The following STAG3 variants were observed in gnomAD, a reference collection of about 807,000 sequenced individuals.
The protein encoded by STAG3 is cohesin subunit SA-3.
STAG3 carries 101 observed loss-of-function variants against 160.7 expected under a neutral mutation model. That is an observed-to-expected ratio of 0.63 (90% CI 0.54 to 0.74). STAG3 has a LOEUF of 0.74. STAG3 is among the 30% of genes least tolerant of loss of function. The pLI, the probability that STAG3 is intolerant of heterozygous loss-of-function variation, is 0.00. For missense variants in STAG3, 1,188 were observed against 1,517.4 expected, an observed-to-expected ratio of 0.78 and a Z score of 3.61; for synonymous variants, 519 against 585.0, an observed-to-expected ratio of 0.89 and a Z score of 1.63.
chr7:100,206,294 G>T (rs1801649010), intron 29 of STAG3, among the ~76,000 whole-genome samples: 1 of 151,380 alleles, frequency 6.6e-6, no homozygotes, highest in Non-Finnish European at 1.5e-5. Flanking sequence ...GGGATTACAG[G>T]TGTGAGCCAC....
intron 32 of STAG3, chr7:100,212,658 C>T: frequency 6.6e-6 from 1 of 152,096 alleles, no homozygotes; most frequent in East Asian, 1.9e-4. Flanking sequence ...GGGGTTTTGC[C>T]ATGTTGGCCA....
intron 31 of STAG3, 97 bp downstream of exon 31, chr7:100,211,636 T>C: frequency 1.4e-6 from 2 of 1,480,834 alleles, no homozygotes; most frequent in Non-Finnish European, 1.9e-6. Flanking sequence ...GGGTGCTTTT[T>C]GGACTTGTTT....
Position 100,213,987 on chromosome 7 carries a change from T to C in STAG3, c.3673-20T>C, listed in dbSNP as rs200184268. The C allele has an allele frequency of 6.2e-7, 1 of 1,614,102 alleles. No homozygotes were observed. Among genetic ancestry groups the C allele is most frequent in the South Asian group, 1.1e-5 (1 of 91,078 alleles). On this transcript the variant is annotated intron_variant, in intron 33 of 33. Coordinates refer to ENST00000615138, the MANE Select transcript of STAG3 (RefSeq NM_001282717.2). Reference sequence around the variant, plus strand: ...CCCGTTGCTGTGTCCTGTGTATTCCTTTCATCTTTCTCATTATAGGATTTC... The same window carrying C: ...CCCGTTGCTGTGTCCTGTGTATTCCCTTCATCTTTCTCATTATAGGATTTC...
chr7:100,200,709 G>A (rs953702377), intron 18 of STAG3, 60 bp from the exon 19 acceptor site: 37 of 1,587,938 alleles, frequency 2.3e-5, no homozygotes, highest in South Asian at 7.8e-5. Context: ...TCCACTTCCC[G>A]CCAGAAGAGT....
At chr7:100,208,930 G>A (rs1322956656) in intron 29 of STAG3, among the ~76,000 whole-genome samples, 1 of 152,128 alleles carries the variant, frequency 6.6e-6, no homozygotes, top group Non-Finnish European at 1.5e-5. Context: ...GATACACTTA[G>A]GCACATTACA....
At chr7:100,203,388 C>T (rs531127879) in intron 25 of STAG3, among the ~76,000 whole-genome samples, 134 of 152,014 alleles carry the variant, frequency 8.8e-4, no homozygotes, top group African/African-American at 3.1e-3. Flanking sequence ...GTTTCACCAT[C>T]GCCAGGATGG....
At chr7:100,198,757 T>C in intron 13 of STAG3, 86 bp from the exon 14 acceptor site, 1 of 1,326,786 alleles carries the variant, frequency 7.5e-7, no homozygotes, top group Non-Finnish European at 1.1e-6. Flanking sequence ...CTTTATCATC[T>C]CCTTGGGCCA....
At position 100,188,925 on chromosome 7, in the gene STAG3, T is replaced by C. The variant is rs1800189414; in HGVS notation, c.624T>C (p.Tyr208=). The C allele has an allele frequency of 6.2e-7, 1 of 1,614,134 alleles. No homozygotes were observed. Among genetic ancestry groups the C allele is most frequent in the Admixed American group, 1.7e-5 (1 of 60,006 alleles). ...LVCQCQYSLL[Y]DGFPMDDLIS... is the part of the protein sequence containing the mutation. Reference sequence around the variant, plus strand: ...GTCAGTGCCAGTACAGCCTCCTCTATGATGGCTTCCCTATGGACGACCTCA... The same window carrying C: ...GTCAGTGCCAGTACAGCCTCCTCTACGATGGCTTCCCTATGGACGACCTCA... The change falls in exon 7 of 34, where the codon TAT becomes TAC. Residue 208 remains tyrosine, a synonymous_variant. Coordinates refer to ENST00000615138, the MANE Select transcript of STAG3 (RefSeq NM_001282717.2).
In STAG3 at chr7:100,213,730, TCTAG is replaced by T. The variant is rs1304626820; in HGVS notation, c.3601-3_3601del. ...CTTTTTGACTTTTAACCTCATTCTC[TCTAG>T]CAAGCAAGTAGCTACTCTTCCACCA... On this transcript the variant is annotated splice_acceptor_variant and splice_polypyrimidine_tract_variant and intron_variant, in intron 32 of 33. Transcript: ENST00000615138. LOFTEE classifies it high-confidence loss of function. The T allele has an allele frequency of 5.0e-6, 8 of 1,614,198 alleles. No homozygotes were observed. Among genetic ancestry groups the T allele is most frequent in the Non-Finnish European group, 5.9e-6 (7 of 1,180,010 alleles).
At chr7:100,198,675 G>C in intron 13 of STAG3, 93 bp downstream of exon 13, 1 of 1,335,490 alleles carries the variant, frequency 7.5e-7, no homozygotes, top group Non-Finnish European at 1.1e-6. Context: ...CCCCATCTCT[G>C]TGAAAGTCTC....
rs1045794041 is a variant in STAG3, at chr7:100,200,808, G to A, written c.1900G>A (p.Val634Met). The A allele has an allele frequency of 1.9e-6, 3 of 1,614,218 alleles. No individual in the cohort carries two copies. The change falls in exon 19 of 34, where the codon GTG becomes ATG. Residue 634 changes from valine (V) to methionine (M), a missense_variant. Val to Met is a conservative substitution (Grantham distance 21). Coordinates refer to ENST00000615138, the MANE Select transcript of STAG3 (RefSeq NM_001282717.2). ...CCTGCAGCAACTCCAGGAGGTGGTG[G>A]TGAAGCATGCAGAGCCAGCGGTGCT... ...LFLQQLQEVV[V>M]KHAEPAVLEA...
intron 19 of STAG3, 52 bp downstream of exon 19, chr7:100,201,021 T>C: frequency 1.9e-6 from 3 of 1,613,994 alleles, no homozygotes; most frequent in Non-Finnish European, 2.5e-6. Flanking sequence ...TGGGAGGGGC[T>C]GCAAGACGGG....
At chr7:100,182,580 T>C in intron 3 of STAG3, 143 bp from the exon 4 acceptor site, 1 of 858,346 alleles carries the variant, frequency 1.2e-6, no homozygotes, top group Non-Finnish European at 1.9e-6. Context: ...AAATCAATTA[T>C]TTCAGGACTG....
Position 100,186,209 on chromosome 7 carries a change from G to C in STAG3, c.346G>C (p.Asp116His), listed in dbSNP as rs767179471. 4.3e-6 allele frequency: 7 copies of C among 1,613,942 alleles called. No individual in the cohort carries two copies. The South Asian group carries it at 5.5e-5, about 13-fold the overall frequency. ...AAKSDMQSLV[D>H]EWLDSYKQDQ... ...CATTTTTTTTCCCTAGTCTTTGGTA[G>C]ATGAGTGGCTGGATAGCTACAAGCA... Residue 116 changes from aspartate to histidine, a missense_variant, in exon 5 of 34, where the codon GAT (aspartate) becomes CAT (histidine). Coordinates refer to ENST00000615138, the MANE Select transcript of STAG3 (RefSeq NM_001282717.2).
Position 100,211,837 on chromosome 7 carries a change from C to G in STAG3, c.3561C>G (p.Ile1187Met). ...AGGACGAGGAAGAAGAGTTAGAAAT[C>G]CAGGATGAGTCAAATGAAGAACGGC... is the stretch of plus-strand genomic sequence containing the variant. The part of the protein sequence containing the change: ...MEEDEEEELE[I>M]QDESNEERQD... The change falls in exon 32 of 34, where the codon ATC becomes ATG. Residue 1187 changes from isoleucine (I) to methionine (M), a missense_variant. By Grantham distance (10) the Ile-to-Met change is conservative (BLOSUM62 1). This residue lies in a region of STAG3 where 647 missense variants were observed against 717.2 expected (regional missense o/e 0.90). Coordinates refer to ENST00000615138, the MANE Select transcript of STAG3 (RefSeq NM_001282717.2). The G allele has an allele frequency of 1.9e-6, 3 of 1,614,074 alleles. No individual in the cohort carries two copies. The highest frequency in any genetic ancestry group is 2.5e-6 in the Non-Finnish European group (3 of 1,180,020).
intron 1 of STAG3, among the ~76,000 whole-genome samples, chr7:100,178,216 T>A (rs1290151705): frequency 6.6e-6 from 1 of 152,218 alleles, no homozygotes; most frequent in Admixed American, 6.5e-5. Context: ...CTTAAGCGCT[T>A]GGAAGGCTCT....
In STAG3 at chr7:100,200,531, C is replaced by T. The variant is rs369352595; in HGVS notation, c.1849C>T (p.Arg617Cys). The T allele has an allele frequency of 1.9e-6, 3 of 1,613,984 alleles. No individual in the cohort carries two copies. The highest frequency in any genetic ancestry group is 1.7e-5 in the Admixed American group (1 of 60,022). ...TGACCTCCACATCTACTGCACTGGG[C>T]GCTTGGAGAAGGTAGGGAGATAGAT... is the stretch of plus-strand genomic sequence containing the variant. Reference protein sequence around the residue: ...CFDLHIYCTGRLEKHLELFLQ... With the variant: ...CFDLHIYCTGCLEKHLELFLQ... The change falls in exon 18 of 34, where the codon CGC (arginine) becomes TGC (cysteine). Residue 617 changes from arginine to cysteine, a missense_variant. By Grantham distance (180) the Arg-to-Cys change is radical. This residue lies in a region of STAG3 where 240 missense variants were observed against 358.1 expected (regional missense o/e 0.67). Coordinates refer to ENST00000615138, the MANE Select transcript of STAG3 (RefSeq NM_001282717.2).
chr7:100,192,189 A>T (rs1176008876), intron 8 of STAG3, among the ~76,000 whole-genome samples: 1 of 152,088 alleles, frequency 6.6e-6, no homozygotes, highest in Non-Finnish European at 1.5e-5. Flanking sequence ...TGATATTTTG[A>T]CCTCTTCCCA....
chr7:100,177,835 A>G (rs899633197), upstream of STAG3: 9 of 152,470 alleles, frequency 5.9e-5, no homozygotes, highest in Admixed American at 3.3e-4. Flanking sequence ...CAGCTCGCAC[A>G]CTTCCAAACC....
Sources: allele counts gnomAD v4.1 joint callset (sites outside exome capture counted in the v4.1 genomes callset), GRCh38; gene constraint gnomAD v4.1.1; regional missense constraint gnomAD v4.1.1; transcripts MANE v1.5; gene names NCBI Gene and HGNC (gene_info 2026-07-23, HGNC 2026-07-21).